ACTN3: variants seen among roughly 807,000 people sequenced by gnomAD.
ACTN3 encodes alpha-actinin-3.
ACTN3 carries 91 observed loss-of-function variants against 119.6 expected under a neutral mutation model. The observed-to-expected ratio is 0.76, with a 90% confidence interval of 0.64 to 0.91. ACTN3 has a LOEUF of 0.91. Among genes scored for constraint, ACTN3 ranks in the 40% least tolerant of loss-of-function variants. The pLI, the probability that ACTN3 is intolerant of heterozygous loss-of-function variation, is 0.00. For synonymous variants in ACTN3, 456 were observed against 478.8 expected (o/e 0.95, Z 0.62); for missense variants, 1,221 against 1,215.1 (o/e 1.00, Z -0.07).
chr11:66,547,455 G>T (rs905068539), intron 1 of ACTN3, among the ~76,000 whole-genome samples: 9 of 152,130 alleles, frequency 5.9e-5, no homozygotes, highest in Admixed American at 4.6e-4. Flanking sequence ...CACCCTGAAG[G>T]CTTGCAGTCA....
At chr11:66,555,069 C>T (rs910720076) in intron 5 of ACTN3, 61 bp from the exon 6 acceptor site, 41 of 1,497,516 alleles carry the variant, frequency 2.7e-5, no homozygotes, top group Non-Finnish European at 3.4e-5. Flanking sequence ...GCTCCTGGGC[C>T]GAGGGGAGAA....
At chr11:66,552,030 C>A (rs190673378) in intron 3 of ACTN3, among the ~76,000 whole-genome samples, 1 of 148,292 alleles carries the variant, frequency 6.7e-6, no homozygotes, top group East Asian at 2.0e-4. Flanking sequence ...GAGCCGAGAT[C>A]ACACCACTGC....
intron 1 of ACTN3, among the ~76,000 whole-genome samples, chr11:66,548,298 C>G (rs772916292): frequency 6.6e-6 from 1 of 152,074 alleles, no homozygotes; most frequent in Non-Finnish European, 1.5e-5. Flanking sequence ...TGGCAATTTC[C>G]CGGTGGTGTC....
rs1857707213 is a variant in ACTN3, at chr11:66,560,001, T to G, written c.1461T>G (p.Asn487Lys). The G allele has an allele frequency of 1.2e-6, 2 of 1,603,172 alleles. No individual in the cohort carries two copies. Among genetic ancestry groups the G allele is most frequent in the Admixed American group, 1.7e-5 (1 of 59,050 alleles). ...ACTACCACGAGGCAGCCTCAGTGAA[T>G]AGCCGCTGCCAGGCCATCTGCGATC... ...ELDYHEAASV[N>K]SRCQAICDQW... The change falls in exon 13 of 21, where the codon AAT (asparagine) becomes AAG (lysine). Residue 487 changes from asparagine to lysine, a missense_variant. Around this residue, in one of 3 missense-constraint regions of ACTN3, gnomAD observed 934 missense variants for 899.9 expected, o/e 1.04. Transcript: ENST00000513398.
chr11:66,547,396 G>A (rs757043370), intron 1 of ACTN3, among the ~76,000 whole-genome samples: 5 of 141,272 alleles, frequency 3.5e-5, no homozygotes, highest in Non-Finnish European at 7.4e-5. Context: ...TCCAAGTTAG[G>A]GGGGGTTCAG....
At chr11:66,549,328 G>A (rs1474611293) in intron 1 of ACTN3, among the ~76,000 whole-genome samples, 4 of 152,090 alleles carry the variant, frequency 2.6e-5, no homozygotes, top group East Asian at 1.9e-4. Flanking sequence ...ACCCTGATCC[G>A]CAGCGTCCCT....
intron 11 of ACTN3, chr11:66,558,990 C>A: frequency 2.6e-6 from 1 of 388,350 alleles, no homozygotes; most frequent in Non-Finnish European, 4.5e-6. Flanking sequence ...TCAAATTATG[C>A]TAAAACTGTA....
At chr11:66,555,260 C>T (rs1210188208) in intron 6 of ACTN3, 26 bp from the exon 7 acceptor site, 1 of 1,613,900 alleles carries the variant, frequency 6.2e-7, no homozygotes, top group Non-Finnish European at 8.5e-7. Flanking sequence ...GCTGACCTTT[C>T]ACCCTCCTCC....
In ACTN3 at chr11:66,555,315, C is replaced by G; in HGVS notation, c.666C>G (p.Ala222=). The G allele has an allele frequency of 2.5e-6, 4 of 1,614,126 alleles. No individual in the cohort carries two copies. The highest frequency in any genetic ancestry group is 3.4e-6 in the Non-Finnish European group (4 of 1,179,980). The change falls in exon 7 of 21, where the codon GCC becomes GCG. Residue 222 remains alanine, a synonymous_variant. Transcript: ENST00000513398. ...ACCCCATCGGAAACCTGAACACTGC[C>G]TTTGAGGTGGCAGAGAAATACCTGG... is the stretch of plus-strand genomic sequence containing the variant. ...KDDPIGNLNT[A]FEVAEKYLDI...
chr11:66,560,554 TCCTG>T lies in ACTN3; in HGVS notation c.1678-14_1678-11del, dbSNP rs1354455881. 3.1e-6 allele frequency: 5 copies of T among 1,599,172 alleles called. No homozygotes were observed. Among genetic ancestry groups the T allele is most frequent in the Admixed American group, 1.7e-5 (1 of 59,398 alleles). ...TAAGTGGGGGACACCAGCTGACACT[TCCTG>T]CCTGTCGTCCCCAGAGCCTGCTGAC... On this transcript the variant is annotated splice_polypyrimidine_tract_variant and intron_variant, in intron 14 of 20. Coordinates refer to ENST00000513398, the MANE Select transcript of ACTN3 (RefSeq NM_001104.4).
chr11:66,557,471 A>G (rs1163320049), intron 9 of ACTN3, among the ~76,000 whole-genome samples: 1 of 152,258 alleles, frequency 6.6e-6, no homozygotes, highest in Non-Finnish European at 1.5e-5. Flanking sequence ...GTATTTAAGT[A>G]GTCACATGGC....
In ACTN3 at chr11:66,560,092, G is replaced by T; in HGVS notation, c.1536+16G>T. On this transcript the variant is annotated intron_variant, in intron 13 of 20. Coordinates refer to ENST00000513398, the MANE Select transcript of ACTN3 (RefSeq NM_001104.4). ...TGCGCTAGAGGTGGGGCTGGGGGCC[G>T]GGGAGCTGGGGGGTGGGTAGGTGGG... The T allele has an allele frequency of 6.5e-7, 1 of 1,549,626 alleles. No homozygotes were observed. Among genetic ancestry groups the T allele is most frequent in the East Asian group, 2.4e-5 (1 of 41,208 alleles).
intron 9 of ACTN3, 143 bp downstream of exon 9, chr11:66,557,368 A>C: frequency 1.4e-6 from 1 of 737,924 alleles, no homozygotes. Context: ...GTCCATCCCC[A>C]CCCATCACCT....
At chr11:66,551,790 T>C in intron 3 of ACTN3, 143 bp downstream of exon 3, 2 of 1,318,086 alleles carry the variant, frequency 1.5e-6, no homozygotes. Flanking sequence ...AGAGCCAGTA[T>C]GCCAGCCAGG....
At chr11:66,554,844 AGT>A (rs1335746816) in intron 5 of ACTN3, among the ~76,000 whole-genome samples, 5 of 151,942 alleles carry the variant, frequency 3.3e-5, no homozygotes. Context: ...TGGAGGAGGG[AGT>A]GTTTGAGACT....
chr11:66,548,466 TCTG>T (rs1857409479), intron 1 of ACTN3, among the ~76,000 whole-genome samples: 2 of 152,050 alleles, frequency 1.3e-5, no homozygotes, highest in Non-Finnish European at 2.9e-5. Context: ...ATCAGGAACA[TCTG>T]TTCATCCCAA....
chr11:66,547,528 C>T (rs548314631), intron 1 of ACTN3, among the ~76,000 whole-genome samples: 2 of 152,244 alleles, frequency 1.3e-5, no homozygotes, highest in East Asian at 1.9e-4. Context: ...CCCACCCCAC[C>T]TCGTCTCCAG....
intron 3 of ACTN3, among the ~76,000 whole-genome samples, chr11:66,552,851 G>GTCTCTCTCTCTCTCTCTC (rs564902238): frequency 7.6e-6 from 1 of 131,280 alleles, no homozygotes; most frequent in Admixed American, 7.6e-5. Flanking sequence ...GAGAGACTCT[G>GTCTCTCTCTCTCTCTCTC]TCTCTCTCTC....
chr11:66,558,470 C>A (rs564806744), intron 11 of ACTN3, among the ~76,000 whole-genome samples: 2 of 152,180 alleles, frequency 1.3e-5, no homozygotes, highest in Non-Finnish European at 2.9e-5. Flanking sequence ...CAGGCTCAAG[C>A]GATCCTCCTG....
Sources: allele counts gnomAD v4.1 joint callset (sites outside exome capture counted in the v4.1 genomes callset), GRCh38; gene constraint gnomAD v4.1.1; regional missense constraint gnomAD v4.1.1; transcripts MANE v1.5; gene names NCBI Gene and HGNC (gene_info 2026-07-23, HGNC 2026-07-21).